KLHL1: variants seen among roughly 807,000 people sequenced by gnomAD.
The protein encoded by KLHL1 is kelch-like protein 1.
In KLHL1, 47 loss-of-function variants were observed where a neutral mutation model predicts 77.7. That is an observed-to-expected ratio of 0.60 (90% CI 0.48 to 0.77). The LOEUF is 0.77. KLHL1 is among the 30% of genes least tolerant of loss of function. The probability of loss-of-function intolerance (pLI) is 0.00; values close to 1 mark genes in which losing one functional copy is unlikely to be tolerated. For missense variants in KLHL1, 925 were observed against 910.8 expected, an observed-to-expected ratio of 1.02 and a Z score of -0.20; for synonymous variants, 360 against 325.2, an observed-to-expected ratio of 1.11 and a Z score of -1.15.
intron 5 of KLHL1, among the ~76,000 whole-genome samples, chr13:69,880,294 G>T (rs192542163): frequency 6.6e-6 from 1 of 152,070 alleles, no homozygotes; most frequent in East Asian, 1.9e-4. Context: ...ATTCATTAAC[G>T]TTAGTTGTAG....
chr13:70,010,079 A>C (rs964457481), intron 1 of KLHL1, among the ~76,000 whole-genome samples: 2 of 152,012 alleles, frequency 1.3e-5, no homozygotes, highest in East Asian at 3.9e-4. Context: ...CAAAACAAGG[A>C]AACAAGTGTA....
intron 1 of KLHL1, among the ~76,000 whole-genome samples, chr13:70,047,666 G>A (rs980057367): frequency 6.6e-5 from 10 of 151,900 alleles, no homozygotes; most frequent in African/African-American, 1.5e-4. Context: ...TTCTGAACAC[G>A]GTGCTTTAAA....
rs561020036 is a variant in KLHL1 at position 69,915,254 on chromosome 13, T to A, written c.1014+24786A>T. 5.1e-3 allele frequency among the ~76,000 whole-genome samples: 780 copies of A among 152,282 alleles called. 5 individuals carry two copies. Among genetic ancestry groups the A allele is most frequent in the South Asian group, 9.3e-3 (45 of 4,828 alleles). On this transcript the variant is annotated intron_variant, in intron 4 of 10. Coordinates refer to ENST00000377844, the MANE Select transcript of KLHL1 (RefSeq NM_020866.3). ...TTGGAAAAAACTACTTTCAAGTTCA[T>A]ATGGAACCAAAAAAGAGCCTGCATT...
At chr13:69,943,079 T>C (rs774126175) in intron 3 of KLHL1, among the ~76,000 whole-genome samples, 7 of 152,080 alleles carry the variant, frequency 4.6e-5, no homozygotes, top group Non-Finnish European at 7.4e-5. Context: ...TATTAGATTA[T>C]GGTGAAGTTT....
At chr13:70,073,719 G>A (rs1011149103) in intron 1 of KLHL1, among the ~76,000 whole-genome samples, 1 of 152,116 alleles carries the variant, frequency 6.6e-6, no homozygotes, top group Non-Finnish European at 1.5e-5. Context: ...AGAGGCTGCG[G>A]TGAGCCATGA....
chr13:69,886,202 T>C (rs1043451088), intron 4 of KLHL1, among the ~76,000 whole-genome samples: 2 of 152,114 alleles, frequency 1.3e-5, no homozygotes, highest in Non-Finnish European at 2.9e-5. Flanking sequence ...AAAATGCTTA[T>C]TATAAAGAAA....
chr13:69,769,743 G>A (rs1338543023), intron 7 of KLHL1, among the ~76,000 whole-genome samples: 5 of 152,048 alleles, frequency 3.3e-5, no homozygotes, highest in Non-Finnish European at 2.9e-5. Flanking sequence ...GCCCACTTCA[G>A]GTCTCCTTTT....
chr13:69,858,022 C>T (rs1208246986), intron 5 of KLHL1, among the ~76,000 whole-genome samples: 47 of 152,026 alleles, frequency 3.1e-4, no homozygotes, highest in Non-Finnish European at 1.3e-4. Flanking sequence ...CAACTGACTA[C>T]ACCAGTTGTT....
chr13:69,912,445 T>A (rs2138245650), intron 4 of KLHL1, among the ~76,000 whole-genome samples: 1 of 152,342 alleles, frequency 6.6e-6, no homozygotes, highest in Non-Finnish European at 1.5e-5. Flanking sequence ...CTCCTTGCAA[T>A]GACAAACTCA....
At chr13:69,910,308 C>G (rs1364699333) in intron 4 of KLHL1, among the ~76,000 whole-genome samples, 1 of 152,030 alleles carries the variant, frequency 6.6e-6, no homozygotes, top group Non-Finnish European at 1.5e-5. Context: ...GAAGTCATTA[C>G]AAATCTAGAC....
At chr13:70,017,910 A>G (rs1180546514) in intron 1 of KLHL1, among the ~76,000 whole-genome samples, 3 of 152,192 alleles carry the variant, frequency 2.0e-5, no homozygotes, top group African/African-American at 7.2e-5. Flanking sequence ...ATCCAATACT[A>G]TTAACTTTGT....
chr13:70,107,372 G>T lies in KLHL1; in HGVS notation c.328C>A (p.Gln110Lys). ...GTCCTGGCTGGCTGCTGAGTGCCCT[G>T]CCCAGGAGCCCCTTGCTGCAGCCTC... ...ATRLQQGAPG[Q>K]GTQQPARTLF... Residue 110 changes from glutamine to lysine, a missense_variant, in exon 1 of 11, where the codon CAG becomes AAG. Physicochemically the swap from Gln to Lys is moderately conservative, Grantham distance 53. Transcript: ENST00000377844. The T allele has an allele frequency of 6.2e-7, 1 of 1,614,070 alleles. No individual in the cohort carries two copies. Among genetic ancestry groups the T allele is most frequent in the Non-Finnish European group, 8.5e-7 (1 of 1,180,032 alleles).
At chr13:69,980,002 C>T (rs898515702) in intron 1 of KLHL1, among the ~76,000 whole-genome samples, 11 of 152,320 alleles carry the variant, frequency 7.2e-5, no homozygotes, top group African/African-American at 2.6e-4. Context: ...AACGGAACTA[C>T]TCTTGACAAG....
intron 1 of KLHL1, among the ~76,000 whole-genome samples, chr13:70,064,570 T>G (rs148618122): frequency 1.1e-4 from 17 of 152,318 alleles, no homozygotes; most frequent in African/African-American, 4.1e-4. Flanking sequence ...TTGTAATGTT[T>G]CATGTTTTCC....
intron 7 of KLHL1, among the ~76,000 whole-genome samples, chr13:69,782,509 A>G (rs1002950353): frequency 6.6e-6 from 1 of 152,156 alleles, no homozygotes; most frequent in Non-Finnish European, 1.5e-5. Flanking sequence ...ACACCAGGAG[A>G]TTATATCCTG....
chr13:69,785,901 A>G (rs887866234), intron 7 of KLHL1, among the ~76,000 whole-genome samples: 5 of 152,250 alleles, frequency 3.3e-5, no homozygotes, highest in African/African-American at 9.6e-5. Context: ...GAACTAGAAA[A>G]TCTAGAAGAA....
chr13:69,921,738 G>A (rs963325701), intron 4 of KLHL1, among the ~76,000 whole-genome samples: 9 of 151,854 alleles, frequency 5.9e-5, no homozygotes, highest in Non-Finnish European at 1.0e-4. Context: ...CAGATCAATA[G>A]CCTCTAGCTT....
At chr13:69,888,494 A>T (rs918913243) in intron 4 of KLHL1, among the ~76,000 whole-genome samples, 6 of 152,100 alleles carry the variant, frequency 3.9e-5, no homozygotes, top group African/African-American at 1.2e-4. Flanking sequence ...TACACCGTGA[A>T]TAGAACTCAG....
rs529124140 is a variant in KLHL1, at chr13:70,097,785, G to A, written c.497+9418C>T. Among the ~76,000 whole-genome samples the A allele has an allele frequency of 8.6e-5, 13 of 151,802 alleles. No homozygotes were observed. In the East Asian group the frequency reaches 1.5e-3, roughly 18 times the overall value. ...AAACATGTTGGTGATGTAAAAACTC[G>A]GAAGAGTTCCCCTGATACTGTTCTT... On this transcript the variant is annotated intron_variant, in intron 1 of 10. Coordinates refer to ENST00000377844, the MANE Select transcript of KLHL1 (RefSeq NM_020866.3).
Sources: allele counts gnomAD v4.1 joint callset (sites outside exome capture counted in the v4.1 genomes callset), GRCh38; gene constraint gnomAD v4.1.1; transcripts MANE v1.5; gene names NCBI Gene and HGNC (gene_info 2026-07-23, HGNC 2026-07-21).